The following INO80 variants were observed in gnomAD, a reference collection of about 807,000 sequenced individuals.
The protein encoded by INO80 is chromatin-remodeling ATPase INO80.
In INO80, 20 loss-of-function variants were observed where a neutral mutation model predicts 203.4. The ratio of observed to expected loss-of-function variants is 0.10; its 90% CI spans 0.07 to 0.14. INO80 has a LOEUF of 0.14. INO80 is among the 10% of genes least tolerant of loss of function. The pLI, the probability that INO80 is intolerant of heterozygous loss-of-function variation, is 1.00. For missense variants in INO80, 1,419 were observed against 1,914.4 expected (o/e 0.74, Z 4.83); for synonymous variants, 726 against 685.2 (o/e 1.06, Z -0.93).
At chr15:40,985,198 C>T (rs1437401820) in intron 32 of INO80, 140 bp downstream of exon 32, 1 of 651,440 alleles carries the variant, frequency 1.5e-6, no homozygotes, top group Non-Finnish European at 2.8e-6. Context: ...CGTGAGTCAG[C>T]CCAGAAATGT....
At chr15:41,105,860 C>G (rs530573056) in intron 1 of INO80, among the ~76,000 whole-genome samples, 12 of 152,204 alleles carry the variant, frequency 7.9e-5, no homozygotes, top group African/African-American at 2.4e-4. Flanking sequence ...TTTGGCACAA[C>G]AAGATACTCA....
chr15:41,037,610 C>T (rs983806881), intron 24 of INO80, among the ~76,000 whole-genome samples: 6 of 152,166 alleles, frequency 3.9e-5, no homozygotes, highest in Non-Finnish European at 8.8e-5. Flanking sequence ...GTTAATTATA[C>T]AGCCTGCCAG....
At position 41,087,636 on chromosome 15, in the gene INO80, T is replaced by C. The variant is rs774453057; in HGVS notation, c.584A>G (p.Asp195Gly). Residue 195 changes from aspartate (D) to glycine (G), a missense_variant, in exon 6 of 36, where the codon GAC becomes GGC. Asp to Gly is a moderately conservative substitution (Grantham distance 94). Transcript: ENST00000648947. Reference protein sequence around the residue: ...YYSAGLLSTYDPFYEQQRHLL... With the variant: ...YYSAGLLSTYGPFYEQQRHLL... ...GTGCCGTTGTTGCTCATAGAAAGGG[T>C]CATATGTGGAGAGCAGGCCTGCACT... 4 of 1,613,944 alleles carry C rather than the reference T, an allele frequency of 2.5e-6. No individual in the cohort carries two copies. In the South Asian group the frequency reaches 3.3e-5, roughly 13 times the overall value.
intron 28 of INO80, among the ~76,000 whole-genome samples, chr15:41,002,366 G>A (rs1250161961): frequency 1.3e-5 from 2 of 152,134 alleles, no homozygotes; most frequent in Non-Finnish European, 1.5e-5. Context: ...TACTGGGACT[G>A]CCCAAGTAAT....
At chr15:41,100,170 G>C (rs886183182) in intron 1 of INO80, among the ~76,000 whole-genome samples, 1 of 152,040 alleles carries the variant, frequency 6.6e-6, no homozygotes, top group African/African-American at 2.4e-5. Flanking sequence ...TGCCTCCCAG[G>C]TTCACGCCAT....
At chr15:41,007,834 A>G (rs2044072371) in intron 27 of INO80, among the ~76,000 whole-genome samples, 2 of 151,876 alleles carry the variant, frequency 1.3e-5, no homozygotes, top group Non-Finnish European at 2.9e-5. Context: ...CGACATCTAC[A>G]TCCTCACACT....
At chr15:41,067,497 C>A (rs182867381) in intron 14 of INO80, among the ~76,000 whole-genome samples, 27 of 152,150 alleles carry the variant, frequency 1.8e-4, no homozygotes, top group African/African-American at 6.3e-4. Flanking sequence ...AAATAGTCAA[C>A]AAACTGCATT....
chr15:41,052,380 C>T (rs143139970), intron 19 of INO80, among the ~76,000 whole-genome samples: 119 of 152,048 alleles, frequency 7.8e-4, no homozygotes, highest in African/African-American at 2.6e-3. Flanking sequence ...TATACAATCC[C>T]TGATTTTTTA....
chr15:41,054,881 G>A (rs910808443), intron 18 of INO80, among the ~76,000 whole-genome samples: 2 of 151,994 alleles, frequency 1.3e-5, no homozygotes, highest in African/African-American at 2.4e-5. Context: ...AACGTGATCC[G>A]CCCACCTTAG....
intron 35 of INO80, among the ~76,000 whole-genome samples, chr15:40,981,660 G>A (rs139445167): frequency 6.6e-6 from 1 of 152,218 alleles, no homozygotes; most frequent in Non-Finnish European, 1.5e-5. Flanking sequence ...TGAATGGGAA[G>A]AAAGGTCTGT....
Position 40,980,141 on chromosome 15 carries a change from A to T in INO80, c.*82T>A. On this transcript the variant is annotated 3_prime_UTR_variant, in exon 36 of 36. Transcript: ENST00000648947. Reference sequence around the variant, plus strand: ...TCTGACTCAGGATGCAAGATGCTGCACGGGGCAAGCCATCCAAAGACCACT... The same window carrying T: ...TCTGACTCAGGATGCAAGATGCTGCTCGGGGCAAGCCATCCAAAGACCACT... 1 of 1,086,818 alleles carries T rather than the reference A, an allele frequency of 9.2e-7. No individual in the cohort carries two copies. The highest frequency in any genetic ancestry group is 1.4e-6 in the Non-Finnish European group (1 of 720,586). The allele number at this position is 1,086,818 out of a possible 1,614,324, so 67.3% of individuals were successfully genotyped here.
At chr15:41,082,108 G>C (rs567739224) in intron 7 of INO80, among the ~76,000 whole-genome samples, 1 of 151,956 alleles carries the variant, frequency 6.6e-6, no homozygotes, top group Non-Finnish European at 1.5e-5. Flanking sequence ...AACTTAGCCA[G>C]GCATGGTGGC....
At chr15:41,091,650 CTTTTT>C (rs746421749) in intron 5 of INO80, among the ~76,000 whole-genome samples, 2 of 88,270 alleles carry the variant, frequency 2.3e-5, no homozygotes, top group Non-Finnish European at 4.2e-5. Context: ...TGATGTATCT[CTTTTT>C]TTTTTTTTTT....
chr15:41,049,332 A>G lies in INO80; in HGVS notation c.2531T>C (p.Ile844Thr). 6.2e-7 allele frequency: 1 copy of G among 1,613,956 alleles called. No homozygotes were observed. Among genetic ancestry groups the G allele is most frequent in the Non-Finnish European group, 8.5e-7 (1 of 1,179,798 alleles). Residue 844 changes from isoleucine (I) to threonine (T), a missense_variant, in exon 21 of 36, where the codon ATC becomes ACC. By Grantham distance (89) the Ile-to-Thr change is moderately conservative. Transcript: ENST00000648947. ...SLKPYHISKF[I>T]YRHGQIRVFN... is the part of the protein sequence containing the mutation. ...GACCCTGATCTGTCCATGACGGTAG[A>G]TAAACTTTGAAATGTGGTATGGCTT...
At chr15:41,048,351 T>C (rs1326570081) in intron 21 of INO80, 75 bp from the exon 22 acceptor site, 3 of 1,145,732 alleles carry the variant, frequency 2.6e-6, no homozygotes, top group Admixed American at 1.8e-5. Flanking sequence ...AGAGGTTCCA[T>C]AGCAAGTAAA....
intron 24 of INO80, among the ~76,000 whole-genome samples, chr15:41,031,638 A>AAGGG (rs1347749730): frequency 1.5e-5 from 1 of 66,498 alleles, no homozygotes; most frequent in African/African-American, 6.6e-5. Context: ...GGAAGGGAGG[A>AAGGG]AGGGAGGAAG....
At position 41,030,432 on chromosome 15, in the gene INO80, G is replaced by A. The variant is rs191941150; in HGVS notation, c.2908-2696C>T. 2.7e-3 allele frequency among the ~76,000 whole-genome samples: 411 copies of A among 150,296 alleles called. 3 individuals carry two copies. Among genetic ancestry groups the A allele is most frequent in the South Asian group, 0.013 (61 of 4,704 alleles). ...GGCTGGAGTGCAGTGGTGCGATCTC[G>A]GCTCACTGTAACCTCTGCCTTCCCA... is the stretch of plus-strand genomic sequence containing the variant. On this transcript the variant is annotated intron_variant, in intron 24 of 35. Coordinates refer to ENST00000648947, the MANE Select transcript of INO80 (RefSeq NM_017553.3).
Position 41,080,885 on chromosome 15 carries a change from T to G in INO80, c.927+135A>C, listed in dbSNP as rs1033244360. The stretch of plus-strand genomic sequence containing the variant: ...ATAAAAAATAAACAGCTTGAGAACA[T>G]TCAGAAACTCTCTTACGAACTATTA... On this transcript the variant is annotated intron_variant, in intron 8 of 35. Coordinates refer to ENST00000648947, the MANE Select transcript of INO80 (RefSeq NM_017553.3). 9 of 673,722 alleles carry G rather than the reference T, an allele frequency of 1.3e-5. No homozygotes were observed. In the African/African-American group the frequency reaches 1.6e-4, roughly 12 times the overall value. 41.7% of individuals were successfully genotyped at this position (673,722 alleles called of 1,614,324 possible).
intron 14 of INO80, among the ~76,000 whole-genome samples, chr15:41,067,441 GA>G (rs754578439): frequency 6.6e-6 from 1 of 151,956 alleles, no homozygotes; most frequent in African/African-American, 2.4e-5. Flanking sequence ...AAAAAAAGCA[GA>G]AAAAGATGGT....
Sources: gnomAD v4.1 joint callset for allele counts (sites outside exome capture counted in the v4.1 genomes callset) on GRCh38, gnomAD v4.1.1 for gene constraint, MANE v1.5 for transcripts, NCBI Gene and HGNC (gene_info 2026-07-23, HGNC 2026-07-21) for gene names.